RASA2: variants seen among roughly 807,000 people sequenced by gnomAD.
The protein encoded by RASA2 is RAS p21 protein activator 2.
RASA2 carries 155 observed loss-of-function variants against 118.2 expected under a neutral mutation model. That is an observed-to-expected ratio of 1.31 (90% confidence interval 1.15 to 1.50). RASA2 has a LOEUF of 1.50. Among genes scored for constraint, RASA2 ranks in the 40% most tolerant of loss-of-function variants. RASA2 has a pLI of 0.00. For missense variants in RASA2, 1,016 were observed against 1,009.6 expected (o/e 1.01, Z -0.09); for synonymous variants, 353 against 349.1 (o/e 1.01, Z -0.12).
Position 141,613,938 on chromosome 3 carries a change from T to A in RASA2, c.*1625T>A, listed in dbSNP as rs1424807764. ...AAGTTTGAAAGAGTCCTTTAAATTT[T>A]ATAAGCTTGTAGATTCCATAAACTA... On this transcript the variant is annotated 3_prime_UTR_variant, in exon 24 of 24. Coordinates refer to ENST00000286364, the MANE Select transcript of RASA2 (RefSeq NM_006506.5). 1 of 152,202 alleles carries A rather than the reference T, an allele frequency of 6.6e-6. No homozygotes were observed. Among genetic ancestry groups the A allele is most frequent in the Non-Finnish European group, 1.5e-5 (1 of 68,014 alleles). 9.4% of individuals were successfully genotyped at this position (152,202 alleles called of 1,614,324 possible). A position where few individuals can be genotyped will look rare whatever the true frequency, so the allele number is the denominator to read the frequency against.
chr3:141,571,420 A>G lies in RASA2; in HGVS notation c.1035A>G (p.Ser345=). The change falls in exon 11 of 24, where the codon TCA becomes TCG. Residue 345 remains serine (S), a synonymous_variant. Coordinates refer to ENST00000286364, the MANE Select transcript of RASA2 (RefSeq NM_006506.5). ...TCTGTATTTAGCCAATATCTGCCTC[A>G]GCTGCTTACATTTTGAGTGAAATAT... is the stretch of plus-strand genomic sequence containing the variant. ...KSPDVQPISA[S]AAYILSEICR... 1 of 1,613,538 alleles carries G rather than the reference A, an allele frequency of 6.2e-7. No homozygotes were observed. The highest frequency in any genetic ancestry group is 8.5e-7 in the Non-Finnish European group (1 of 1,179,796).
At chr3:141,562,479 T>C (rs2082746746) in intron 9 of RASA2, among the ~76,000 whole-genome samples, 1 of 149,866 alleles carries the variant, frequency 6.7e-6, no homozygotes, top group Non-Finnish European at 1.5e-5. Context: ...AAAAATTAGC[T>C]GGGCTTGGTA....
chr3:141,521,659 AG>A, intron 3 of RASA2, among the ~76,000 whole-genome samples: 1 of 152,280 alleles, frequency 6.6e-6, no homozygotes, highest in Middle Eastern at 3.4e-3. Flanking sequence ...TCAGTTGTTT[AG>A]GGAGTGGTGT....
At chr3:141,568,971 T>C (rs1273658688) in intron 9 of RASA2, among the ~76,000 whole-genome samples, 1 of 152,128 alleles carries the variant, frequency 6.6e-6, no homozygotes, top group Non-Finnish European at 1.5e-5. Context: ...AAGGATGTTA[T>C]CAGTGTTAGT....
chr3:141,611,777 C>G (rs1046218620), intron 23 of RASA2, among the ~76,000 whole-genome samples: 1 of 151,988 alleles, frequency 6.6e-6, no homozygotes, highest in Non-Finnish European at 1.5e-5. Flanking sequence ...AGATAGATGC[C>G]TCAATTAGAA....
intron 1 of RASA2, among the ~76,000 whole-genome samples, chr3:141,507,556 A>T (rs189455602): frequency 6.6e-6 from 1 of 152,178 alleles, no homozygotes; most frequent in South Asian, 2.1e-4. Flanking sequence ...TCAGGAGTCT[A>T]CTACTGTTAG....
intron 17 of RASA2, among the ~76,000 whole-genome samples, chr3:141,584,060 C>A (rs1487376759): frequency 1.3e-5 from 2 of 151,960 alleles, no homozygotes; most frequent in African/African-American, 4.8e-5. Flanking sequence ...CAGCCAGGCA[C>A]GGTGGCTTAC....
intron 2 of RASA2, among the ~76,000 whole-genome samples, chr3:141,513,978 TA>T (rs2081989061): frequency 6.6e-6 from 1 of 152,140 alleles, no homozygotes; most frequent in Non-Finnish European, 1.5e-5. Flanking sequence ...AATGAACTTA[TA>T]AAAATAAGCT....
At chr3:141,545,322 C>T (rs1207637864) in intron 5 of RASA2, among the ~76,000 whole-genome samples, 1 of 152,062 alleles carries the variant, frequency 6.6e-6, no homozygotes, top group African/African-American at 2.4e-5. Flanking sequence ...CATGGTTCTG[C>T]AGGCTGTACA....
intron 3 of RASA2, among the ~76,000 whole-genome samples, chr3:141,518,983 G>A (rs2082071765): frequency 6.6e-6 from 1 of 152,108 alleles, no homozygotes; most frequent in African/African-American, 2.4e-5. Flanking sequence ...CCTTGTTGGT[G>A]AACATTTACA....
At chr3:141,576,488 A>C (rs888790690) in intron 14 of RASA2, among the ~76,000 whole-genome samples, 25 of 152,240 alleles carry the variant, frequency 1.6e-4, no homozygotes, top group Non-Finnish European at 2.9e-4. Flanking sequence ...AGTAGTCTTC[A>C]GTTCATCTGC....
At chr3:141,588,555 A>G (rs946685990) in intron 19 of RASA2, among the ~76,000 whole-genome samples, 2 of 152,222 alleles carry the variant, frequency 1.3e-5, no homozygotes, top group African/African-American at 4.8e-5. Flanking sequence ...CTGGAATAAT[A>G]CATCAGACAT....
rs2082608821 is a variant in RASA2, at chr3:141,553,854, T to C, written c.528-3T>C. ...ATGTTAAATCTCTTTTATTCTACCTTAGCATCAAGGCATGCCATGGGTTGC... is the reference window on the plus strand; with the variant it reads ...ATGTTAAATCTCTTTTATTCTACCTCAGCATCAAGGCATGCCATGGGTTGC... On this transcript the variant is annotated splice_polypyrimidine_tract_variant and splice_region_variant and intron_variant, in intron 5 of 23. Transcript: ENST00000286364. The C allele has an allele frequency of 1.2e-6, 2 of 1,608,694 alleles. No homozygotes were observed. Among genetic ancestry groups the C allele is most frequent in the Non-Finnish European group, 1.7e-6 (2 of 1,178,126 alleles).
chr3:141,586,562 T>C lies in RASA2; in HGVS notation c.1827-84T>C, dbSNP rs550760023. ...ATATAATCTTACACTACTATTCATG[T>C]CATTTAAAGTTAAAGGATACTTCTT... On this transcript the variant is annotated intron_variant, in intron 18 of 23. Transcript: ENST00000286364. 7.7e-5 allele frequency: 66 copies of C among 860,764 alleles called. No homozygotes were observed. The African/African-American group carries it at 9.9e-4, about 13-fold the overall frequency. The allele number at this position is 860,764 out of a possible 1,614,324, so 53.3% of individuals were successfully genotyped here. A position where few individuals can be genotyped will look rare whatever the true frequency, so the allele number is the denominator to read the frequency against.
chr3:141,496,248 A>G (rs1428734855), intron 1 of RASA2, among the ~76,000 whole-genome samples: 2 of 152,244 alleles, frequency 1.3e-5, no homozygotes, highest in Non-Finnish European at 2.9e-5. Flanking sequence ...CATTCAGGAC[A>G]TAGGCATGGG....
intron 1 of RASA2, among the ~76,000 whole-genome samples, chr3:141,487,575 C>A (rs1007895536): frequency 9.2e-5 from 14 of 152,048 alleles, no homozygotes; most frequent in African/African-American, 3.4e-4. Context: ...TGAGGAGCTT[C>A]CGGCCGCCCT....
chr3:141,555,844 G>T lies in RASA2; in HGVS notation c.616G>T (p.Asp206Tyr). The change falls in exon 7 of 24, where the codon GAC (aspartate) becomes TAC (tyrosine). Residue 206 changes from aspartate (D) to tyrosine (Y), a missense_variant. By Grantham distance (160) the Asp-to-Tyr change is radical (BLOSUM62 -3). This residue lies in a region of RASA2 where 896 missense variants were observed against 836.4 expected (regional missense o/e 1.07). Coordinates refer to ENST00000286364, the MANE Select transcript of RASA2 (RefSeq NM_006506.5). ...AACTCTACCACATTGGAACAGGAATGACCAAAAGAAGACAAAAGTAAAGAA... is the reference window on the plus strand; with the variant it reads ...AACTCTACCACATTGGAACAGGAATTACCAAAAGAAGACAAAAGTAAAGAA... ...TVSLVGPSRN[D>Y]QKKTKVKKKT... The T allele has an allele frequency of 6.2e-7, 1 of 1,611,508 alleles. No individual in the cohort carries two copies. The highest frequency in any genetic ancestry group is 1.1e-5 in the South Asian group (1 of 90,874).
intron 1 of RASA2, among the ~76,000 whole-genome samples, chr3:141,499,624 G>A (rs990247673): frequency 2.0e-5 from 3 of 151,468 alleles, no homozygotes; most frequent in Admixed American, 6.6e-5. Context: ...TTTTTGAGAC[G>A]GAGTCTCCCT....
intron 19 of RASA2, among the ~76,000 whole-genome samples, chr3:141,596,045 C>T (rs2083361194): frequency 6.6e-6 from 1 of 152,156 alleles, no homozygotes; most frequent in African/African-American, 2.4e-5. Context: ...ATTTATGGGA[C>T]ACTAGGCCAA....
Sources: gnomAD v4.1 joint callset for allele counts (sites outside exome capture counted in the v4.1 genomes callset) on GRCh38, gnomAD v4.1.1 for gene constraint, gnomAD v4.1.1 regional missense constraint, MANE v1.5 for transcripts, NCBI Gene and HGNC (gene_info 2026-07-23, HGNC 2026-07-21) for gene names.